BCAS3: variants seen among roughly 807,000 people sequenced by gnomAD.
BCAS3 encodes BCAS4/BCAS3 fusion.
BCAS3 carries 53 observed loss-of-function variants against 116.1 expected under a neutral mutation model. That is an observed-to-expected ratio of 0.46 (90% CI 0.37 to 0.57). The LOEUF (loss-of-function observed/expected upper bound fraction) is 0.57, where lower values mean the gene tolerates loss of function less well. BCAS3 is among the 20% of genes least tolerant of loss of function. The pLI is 0.00. For missense variants in BCAS3, 917 were observed against 1,165.4 expected, an observed-to-expected ratio of 0.79 and a Z score of 3.10; for synonymous variants, 391 against 408.2, an observed-to-expected ratio of 0.96 and a Z score of 0.51.
Position 61,354,655 on chromosome 17 carries a change from A to C in BCAS3, c.2426-13672A>C, listed in dbSNP as rs1444056863. The C allele has an allele frequency of 2.0e-5, 3 of 152,152 alleles. No homozygotes were observed. The highest frequency in any genetic ancestry group is 7.2e-5 in the African/African-American group (3 of 41,436). The allele number at this position is 152,152 out of a possible 1,614,324, so 9.4% of individuals were successfully genotyped here. On this transcript the variant is annotated intron_variant, in intron 22 of 23. Transcript: ENST00000407086. This position sits in a 1 kb window ranked among gnomAD's most constrained non-coding sequence, Gnocchi z 4.5. ...AGTCAGGATGGGAGGCCAGGCCCAG[A>C]TCTTCTTCCCAAGGACCCTGCACCT...
At position 61,028,215 on chromosome 17, in the gene BCAS3, G is replaced by A. The variant is rs2066397390; in HGVS notation, c.1638-6451G>A. Among the ~76,000 whole-genome samples, 1 of 151,700 alleles carries A rather than the reference G, an allele frequency of 6.6e-6. No individual in the cohort carries two copies. The highest frequency in any genetic ancestry group is 1.5e-5 in the Non-Finnish European group (1 of 67,736). On this transcript the variant is annotated intron_variant, in intron 16 of 23. Coordinates refer to ENST00000407086, the MANE Select transcript of BCAS3 (RefSeq NM_017679.5). The surrounding 1 kb of genome is among the most constrained non-coding windows in gnomAD (Gnocchi z 4.3). ...ATGTTTATATGCCATAGGAAGATCT[G>A]AAAATTTTGTTATTGCTTAATAATA...
intron 22 of BCAS3, among the ~76,000 whole-genome samples, chr17:61,197,852 A>G (rs535744782): frequency 1.3e-5 from 2 of 152,238 alleles, no homozygotes; most frequent in African/African-American, 4.8e-5. Context: ...GCCCTATAGT[A>G]TCAAAACAAA....
intron 22 of BCAS3, among the ~76,000 whole-genome samples, chr17:61,096,686 A>G (rs1356519009): frequency 6.6e-6 from 1 of 152,214 alleles, no homozygotes; most frequent in Non-Finnish European, 1.5e-5. Flanking sequence ...ATTTCTTTTT[A>G]ATCTTTATCT....
intron 14 of BCAS3, among the ~76,000 whole-genome samples, chr17:60,949,597 A>T (rs1744618596): frequency 6.6e-6 from 1 of 152,168 alleles, no homozygotes; most frequent in Non-Finnish European, 1.5e-5. Context: ...TTATGGGTAC[A>T]TAATAGTTGT....
intron 23 of BCAS3, among the ~76,000 whole-genome samples, chr17:61,370,247 A>C (rs1603118269): frequency 6.7e-6 from 1 of 148,922 alleles, no homozygotes; most frequent in African/African-American, 2.5e-5. Flanking sequence ...TGCATGACCC[A>C]CAGGTCAGAA....
intron 22 of BCAS3, among the ~76,000 whole-genome samples, chr17:61,336,765 G>T (rs185053979): frequency 1.3e-5 from 2 of 152,248 alleles, no homozygotes; most frequent in African/African-American, 2.4e-5. Flanking sequence ...ATGTCATTTT[G>T]CCCAGAGAGG....
At chr17:61,266,258 C>G (rs971816161) in intron 22 of BCAS3, among the ~76,000 whole-genome samples, 1 of 152,092 alleles carries the variant, frequency 6.6e-6, no homozygotes, top group African/African-American at 2.4e-5. Flanking sequence ...GTAAAACATG[C>G]AATGCTAAGA....
chr17:60,802,293 A>T (rs575876113), intron 6 of BCAS3, among the ~76,000 whole-genome samples: 74 of 135,808 alleles, frequency 5.4e-4, no homozygotes, highest in African/African-American at 1.2e-3. Flanking sequence ...CAAAAAAAAA[A>T]AAATATATAT....
At chr17:61,121,736 T>C (rs1266597018) in intron 22 of BCAS3, among the ~76,000 whole-genome samples, 3 of 152,058 alleles carry the variant, frequency 2.0e-5, no homozygotes, top group African/African-American at 7.2e-5. Context: ...CTATTTTATA[T>C]GTGTGTGTGT....
At chr17:61,110,847 G>C (rs1403282501) in intron 22 of BCAS3, among the ~76,000 whole-genome samples, 1 of 152,174 alleles carries the variant, frequency 6.6e-6, no homozygotes, top group Non-Finnish European at 1.5e-5. Flanking sequence ...GTCCCTGTCT[G>C]ACAGCTTTGT....
In BCAS3 at chr17:61,387,596, C is replaced by T. The variant is rs536146916; in HGVS notation, c.2594-4381C>T. On this transcript the variant is annotated intron_variant, in intron 23 of 23. Coordinates refer to ENST00000407086, the MANE Select transcript of BCAS3 (RefSeq NM_017679.5). This position sits in a 1 kb window ranked among gnomAD's most constrained non-coding sequence, Gnocchi z 6.2. ...CTACTCATTCATCATCCCCCTACCC[C>T]TGGGGGCTGTCCATCCTGGCCCAAG... Among the ~76,000 whole-genome samples, 9 of 152,304 alleles carry T rather than the reference C, an allele frequency of 5.9e-5. No homozygotes were observed. The highest frequency in any genetic ancestry group is 1.7e-4 in the African/African-American group (7 of 41,562).
Position 60,707,116 on chromosome 17 carries a change from C to T in BCAS3, c.215-2103C>T, listed in dbSNP as rs532650807. Among the ~76,000 whole-genome samples, 20 of 152,006 alleles carry T rather than the reference C, an allele frequency of 1.3e-4. No individual in the cohort carries two copies. The South Asian group carries it at 2.9e-3, about 22-fold the overall frequency. ...AAGCCATTCTCCTGCTGCAGCCTCCCGTGTAGCTGGGATTACAGGCATACG... is the reference window on the plus strand; with the variant it reads ...AAGCCATTCTCCTGCTGCAGCCTCCTGTGTAGCTGGGATTACAGGCATACG... On this transcript the variant is annotated intron_variant, in intron 4 of 23. Coordinates refer to ENST00000407086, the MANE Select transcript of BCAS3 (RefSeq NM_017679.5).
At chr17:61,385,933 G>T (rs184550481) in intron 23 of BCAS3, among the ~76,000 whole-genome samples, 1 of 152,194 alleles carries the variant, frequency 6.6e-6, no homozygotes, top group Non-Finnish European at 1.5e-5. Context: ...CCCAAGCTCC[G>T]GTGGAAGCCA....
In BCAS3 at chr17:61,144,622, C is replaced by A. The variant is rs947377162; in HGVS notation, c.2425+60058C>A. On this transcript the variant is annotated intron_variant, in intron 22 of 23. Coordinates refer to ENST00000407086, the MANE Select transcript of BCAS3 (RefSeq NM_017679.5). The surrounding 1 kb of genome is among the most constrained non-coding windows in gnomAD (Gnocchi z 5.0). ...AGTTTGAAAATTTATGATTGTTGATCCTCAATAGTCAAAAAAGTAGTCATT... is the reference window on the plus strand; with the variant it reads ...AGTTTGAAAATTTATGATTGTTGATACTCAATAGTCAAAAAAGTAGTCATT... Among the ~76,000 whole-genome samples, 10 of 152,090 alleles carry A rather than the reference C, an allele frequency of 6.6e-5. No individual in the cohort carries two copies. Among genetic ancestry groups the A allele is most frequent in the African/African-American group, 1.9e-4 (8 of 41,414 alleles).
At position 61,377,229 on chromosome 17, in the gene BCAS3, AG is replaced by A. The variant is rs1384486234; in HGVS notation, c.2593+8736del. On this transcript the variant is annotated intron_variant, in intron 23 of 23. Transcript: ENST00000407086. The surrounding 1 kb of genome is among the most constrained non-coding windows in gnomAD (Gnocchi z 4.6). The stretch of plus-strand genomic sequence containing the variant: ...GAGGGTGAGAGAAGAAAGTGTCCCC[AG>A]AGGCACAGGGCCACCAGATAGAGAG... Among the ~76,000 whole-genome samples, 1 of 152,200 alleles carries A rather than the reference AG, an allele frequency of 6.6e-6. No homozygotes were observed. Among genetic ancestry groups the A allele is most frequent in the Non-Finnish European group, 1.5e-5 (1 of 68,040 alleles).
chr17:61,185,654 GA>G (rs2079725544), intron 22 of BCAS3, among the ~76,000 whole-genome samples: 1 of 151,782 alleles, frequency 6.6e-6, no homozygotes, highest in Non-Finnish European at 1.5e-5. Flanking sequence ...ATGTGTGCAA[GA>G]CAGAAAAAAA....
At position 61,087,236 on chromosome 17, in the gene BCAS3, T is replaced by C; in HGVS notation, c.2425+2672T>C. 1.0e-6 allele frequency: 1 copy of C among 985,342 alleles called. No homozygotes were observed. The highest frequency in any genetic ancestry group is 1.2e-6 in the Non-Finnish European group (1 of 829,766). 61.0% of individuals were successfully genotyped at this position (985,342 alleles called of 1,614,324 possible). A position where few individuals can be genotyped will look rare whatever the true frequency, so the allele number is the denominator to read the frequency against. ...GGTTTCATTGCCTGTTACTTGGAGA[T>C]ACGACCAGTGTGGCACCTCCTCTGT... is the stretch of plus-strand genomic sequence containing the variant. On this transcript the variant is annotated intron_variant, in intron 22 of 23. Transcript: ENST00000407086. This position sits in a 1 kb window ranked among gnomAD's most constrained non-coding sequence, Gnocchi z 4.6.
intron 7 of BCAS3, among the ~76,000 whole-genome samples, chr17:60,852,134 GT>G (rs201461939): frequency 8.8e-4 from 129 of 146,698 alleles, no homozygotes; most frequent in South Asian, 3.7e-3. Context: ...TATTCCCGTG[GT>G]TTTTTTTTTT....
chr17:61,305,100 A>G (rs1208777315), intron 22 of BCAS3, among the ~76,000 whole-genome samples: 2 of 152,214 alleles, frequency 1.3e-5, no homozygotes, highest in South Asian at 4.1e-4. Context: ...GGATAGAACT[A>G]ACAAGTAAAT....
Sources: gnomAD v4.1 joint callset for allele counts (sites outside exome capture counted in the v4.1 genomes callset) on GRCh38, gnomAD v4.1.1 for gene constraint, Gnocchi (gnomAD v3.1) non-coding constraint, MANE v1.5 for transcripts, NCBI Gene and HGNC (gene_info 2026-07-23, HGNC 2026-07-21) for gene names.